Variants in CCDC178 observed in about 807,000 individuals in gnomAD.
CCDC178 encodes the protein coiled-coil domain containing 178.
A neutral mutation model predicts 117.4 loss-of-function variants in CCDC178; 126 were observed. That is an observed-to-expected ratio of 1.07 (90% CI 0.93 to 1.24). CCDC178 has a LOEUF of 1.24. CCDC178 is among the 50% of genes most tolerant of loss of function. The pLI, the probability that CCDC178 is intolerant of heterozygous loss-of-function variation, is 0.00. For synonymous variants in CCDC178, 283 were observed against 313.4 expected (o/e 0.90, Z 1.02); for missense variants, 1,030 against 986.9 (o/e 1.04, Z -0.59).
intron 21 of CCDC178, among the ~76,000 whole-genome samples, chr18:32,994,480 A>C (rs2055461578): frequency 6.6e-6 from 1 of 152,142 alleles, no homozygotes; most frequent in African/African-American, 2.4e-5. Flanking sequence ...ACAAATCTGG[A>C]CCTATATTAT....
At chr18:33,329,876 A>AGTGTGT (rs67627028) in intron 10 of CCDC178, among the ~76,000 whole-genome samples, 2,781 of 131,392 alleles carry the variant, frequency 0.021, 35 homozygotes, top group East Asian at 0.04. Flanking sequence ...GAATTATTAG[A>AGTGTGT]GTGTGTGTGT....
intron 21 of CCDC178, among the ~76,000 whole-genome samples, chr18:33,087,033 G>GACAC (rs35149990): frequency 3.4e-4 from 46 of 133,462 alleles, no homozygotes; most frequent in South Asian, 1.7e-3. Context: ...GCCATTGGTT[G>GACAC]ACACACACAC....
At chr18:33,109,589 T>TGAAAATATAGA (rs1157117773) in intron 20 of CCDC178, among the ~76,000 whole-genome samples, 1 of 151,516 alleles carries the variant, frequency 6.6e-6, no homozygotes, top group African/African-American at 2.4e-5. Context: ...AGCATCTACA[T>TGAAAATATAGA]GAAAATATAG....
intron 12 of CCDC178, among the ~76,000 whole-genome samples, chr18:33,273,696 TACCATACACAA>T (rs1157723181): frequency 6.6e-5 from 10 of 151,676 alleles, no homozygotes; most frequent in African/African-American, 2.4e-4. Flanking sequence ...TTCTACTTCA[TACCATACACAA>T]AAATTAACTA....
chr18:33,263,695 G>C (rs777737435), intron 14 of CCDC178, among the ~76,000 whole-genome samples: 1 of 152,028 alleles, frequency 6.6e-6, no homozygotes, highest in East Asian at 1.9e-4. Flanking sequence ...TAGAGAAGAC[G>C]TTACTACTCT....
At chr18:33,337,475 G>GTCT (rs2062756665) in intron 9 of CCDC178, among the ~76,000 whole-genome samples, 1 of 151,976 alleles carries the variant, frequency 6.6e-6, no homozygotes, top group South Asian at 2.1e-4. Flanking sequence ...GGGCATCCTT[G>GTCT]TCTTGCTCCA....
At chr18:33,301,614 C>T (rs2062177929) in intron 11 of CCDC178, among the ~76,000 whole-genome samples, 1 of 152,108 alleles carries the variant, frequency 6.6e-6, no homozygotes. Context: ...AGTGTGTGCT[C>T]GATGTGGGAC....
At chr18:33,008,920 A>G (rs973048874) in intron 21 of CCDC178, among the ~76,000 whole-genome samples, 1 of 152,052 alleles carries the variant, frequency 6.6e-6, no homozygotes, top group Non-Finnish European at 1.5e-5. Context: ...AATGTCTTAA[A>G]TCCATCTCAG....
chr18:33,285,169 TAAC>T (rs915667174), intron 12 of CCDC178, among the ~76,000 whole-genome samples: 1 of 152,016 alleles, frequency 6.6e-6, no homozygotes, highest in African/African-American at 2.4e-5. Flanking sequence ...AGAAATAACA[TAAC>T]AGCAAAAATG....
chr18:33,136,642 T>G (rs1290243240), intron 20 of CCDC178, among the ~76,000 whole-genome samples: 3 of 152,182 alleles, frequency 2.0e-5, no homozygotes, highest in African/African-American at 7.2e-5. Flanking sequence ...TGACCTCATT[T>G]TGGAAACAAG....
At chr18:33,352,569 G>A (rs2062992284) in intron 7 of CCDC178, among the ~76,000 whole-genome samples, 1 of 151,890 alleles carries the variant, frequency 6.6e-6, no homozygotes, top group African/African-American at 2.4e-5. Flanking sequence ...TTCCCTCTGT[G>A]GACTACTTTT....
At position 33,259,656 on chromosome 18, in the gene CCDC178, C is replaced by G. The variant is rs139586678; in HGVS notation, c.1409+7260G>C. 1.3e-3 allele frequency among the ~76,000 whole-genome samples: 194 copies of G among 152,216 alleles called. 1 individual carries two copies. In the South Asian group the frequency reaches 0.018, roughly 15 times the overall value. ...CTGCCCCCATGATTCAATCACCCCC[C>G]CCCACCAGTCCCTCTCCCAACATGT... On this transcript the variant is annotated intron_variant, in intron 14 of 22. Coordinates refer to ENST00000383096, the MANE Select transcript of CCDC178 (RefSeq NM_001105528.4).
intron 7 of CCDC178, among the ~76,000 whole-genome samples, chr18:33,355,107 T>C (rs2063035622): frequency 6.6e-6 from 1 of 152,224 alleles, no homozygotes; most frequent in African/African-American, 2.4e-5. Context: ...TGTTAATTTA[T>C]CCTTTTTCAC....
chr18:33,129,704 T>C (rs139758327), intron 20 of CCDC178, among the ~76,000 whole-genome samples: 35 of 152,146 alleles, frequency 2.3e-4, no homozygotes, highest in African/African-American at 5.8e-4. Context: ...TATAGACTTA[T>C]ATACTGGTTT....
chr18:33,108,829 C>T (rs1399736664), intron 20 of CCDC178, among the ~76,000 whole-genome samples: 1 of 151,540 alleles, frequency 6.6e-6, no homozygotes, highest in East Asian at 1.9e-4. Flanking sequence ...TCTGTTTGAA[C>T]TAGTAAGAAT....
At chr18:32,967,957 A>G (rs995778419) in intron 22 of CCDC178, among the ~76,000 whole-genome samples, 1 of 151,670 alleles carries the variant, frequency 6.6e-6, no homozygotes, top group African/African-American at 2.4e-5. Context: ...TAATCAGGAT[A>G]GATAGCATAT....
At chr18:33,014,945 G>A (rs2055949835) in intron 21 of CCDC178, among the ~76,000 whole-genome samples, 1 of 152,112 alleles carries the variant, frequency 6.6e-6, no homozygotes, top group African/African-American at 2.4e-5. Context: ...CAATAAAAAA[G>A]TATAAAACAT....
chr18:33,281,731 T>C (rs1213544654), intron 12 of CCDC178, among the ~76,000 whole-genome samples: 1 of 152,266 alleles, frequency 6.6e-6, no homozygotes, highest in Non-Finnish European at 1.5e-5. Flanking sequence ...TTTGGCAGAA[T>C]GCTAAGGTGT....
intron 22 of CCDC178, among the ~76,000 whole-genome samples, chr18:32,970,513 G>A (rs769001506): frequency 2.6e-5 from 4 of 151,748 alleles, no homozygotes; most frequent in Non-Finnish European, 5.9e-5. Flanking sequence ...TAAAGGAATC[G>A]AGATACTAAG....
Sources: gnomAD v4.1 joint callset for allele counts (sites outside exome capture counted in the v4.1 genomes callset) on GRCh38, gnomAD v4.1.1 for gene constraint, MANE v1.5 for transcripts, NCBI Gene and HGNC (gene_info 2026-07-23, HGNC 2026-07-21) for gene names.